LNX2: variants seen among roughly 807,000 people sequenced by gnomAD.
LNX2 encodes ligand of numb-protein X 2.
LNX2 carries 35 observed loss-of-function variants against 66.2 expected under a neutral mutation model. The observed-to-expected ratio is 0.53, with a 90% CI of 0.40 to 0.70. The LOEUF (loss-of-function observed/expected upper bound fraction) is 0.70, where lower values mean the gene tolerates loss of function less well. Among genes scored for constraint, LNX2 ranks in the 30% least tolerant of loss-of-function variants. The pLI is 0.00. For missense variants in LNX2, 791 were observed against 850.8 expected (o/e 0.93, Z 0.87); for synonymous variants, 337 against 315.6 (o/e 1.07, Z -0.72).
chr13:27,613,401 T>G (rs1460280551), intron 1 of LNX2, among the ~76,000 whole-genome samples: 1 of 152,108 alleles, frequency 6.6e-6, no homozygotes, highest in Non-Finnish European at 1.5e-5. Context: ...GAGGTCCAAC[T>G]ACAGGATATG....
chr13:27,600,030 C>G (rs777975966), intron 1 of LNX2, among the ~76,000 whole-genome samples: 1 of 152,158 alleles, frequency 6.6e-6, no homozygotes, highest in African/African-American at 2.4e-5. Context: ...CAGCATGGCA[C>G]ATAACTAACA....
In LNX2 at chr13:27,610,959, T is replaced by C. The variant is rs143773574; in HGVS notation, c.-101+9416A>G. 3.6e-3 allele frequency among the ~76,000 whole-genome samples: 546 copies of C among 151,846 alleles called. 5 individuals carry two copies. Among genetic ancestry groups the C allele is most frequent in the Non-Finnish European group, 5.9e-3 (399 of 67,990 alleles). ...CTATTAAAACAGAAAAGAACAAGTG[T>C]TGGTGAGAACATAGAGCATGTAGAG... is the stretch of plus-strand genomic sequence containing the variant. On this transcript the variant is annotated intron_variant, in intron 1 of 9. Coordinates refer to ENST00000316334, the MANE Select transcript of LNX2 (RefSeq NM_153371.4).
intron 1 of LNX2, among the ~76,000 whole-genome samples, chr13:27,587,417 T>C (rs1955499398): frequency 6.6e-6 from 1 of 152,160 alleles, no homozygotes; most frequent in Non-Finnish European, 1.5e-5. Context: ...TCTTTTGTAT[T>C]CCCACTTCTT....
At chr13:27,620,272 G>A (rs1338113220) in intron 1 of LNX2, 103 bp downstream of exon 1, 2 of 152,038 alleles carry the variant, frequency 1.3e-5, no homozygotes, top group Non-Finnish European at 2.9e-5. Context: ...CCGCCTCCCG[G>A]GGCGCGGCGC....
At chr13:27,560,585 AG>A (rs1955122955) in intron 5 of LNX2, among the ~76,000 whole-genome samples, 6 of 147,618 alleles carry the variant, frequency 4.1e-5, no homozygotes, top group African/African-American at 1.0e-4. Context: ...ATATATATAT[AG>A]CATACTTGTG....
At chr13:27,580,444 C>T (rs995381259) in intron 2 of LNX2, among the ~76,000 whole-genome samples, 2 of 152,100 alleles carry the variant, frequency 1.3e-5, no homozygotes, top group African/African-American at 4.8e-5. Flanking sequence ...GAGATTACTG[C>T]AGATTTATAC....
intron 1 of LNX2, among the ~76,000 whole-genome samples, chr13:27,612,238 T>C (rs1955781430): frequency 6.6e-6 from 1 of 152,162 alleles, no homozygotes; most frequent in Non-Finnish European, 1.5e-5. Context: ...AACAAAACCC[T>C]CATTGGGGCT....
chr13:27,551,387 C>T (rs73446812), intron 8 of LNX2, among the ~76,000 whole-genome samples: 5,561 of 151,606 alleles, frequency 0.037, 370 homozygotes, highest in African/African-American at 0.13. Context: ...CAGGATGTGT[C>T]CAGAGAGGGA....
rs563214362 is a variant in LNX2 at position 27,551,322 on chromosome 13, T to C, written c.1779-831A>G. Reference sequence around the variant, plus strand: ...ACACATCTATACACACACATGCATATATAAATGTATCATAGACACTGAGAA... The same window carrying C: ...ACACATCTATACACACACATGCATACATAAATGTATCATAGACACTGAGAA... On this transcript the variant is annotated intron_variant, in intron 8 of 9. Transcript: ENST00000316334. Among the ~76,000 whole-genome samples the C allele has an allele frequency of 3.9e-4, 59 of 151,936 alleles. 1 individual carries two copies. Among genetic ancestry groups the C allele is most frequent in the South Asian group, 2.1e-3 (10 of 4,806 alleles).
At chr13:27,587,655 T>C (rs1436066355) in intron 1 of LNX2, among the ~76,000 whole-genome samples, 8 of 152,218 alleles carry the variant, frequency 5.3e-5, no homozygotes, top group East Asian at 3.9e-4. Context: ...AAAGTTTCCT[T>C]ACTTGGTATC....
chr13:27,581,886 T>C, intron 1 of LNX2, 83 bp from the exon 2 acceptor site: 1 of 390,570 alleles, frequency 2.6e-6, no homozygotes, highest in Non-Finnish European at 4.4e-6. Flanking sequence ...ATATTACTGG[T>C]TAGCTTTTTT....
chr13:27,563,780 G>T (rs4769560), intron 4 of LNX2, among the ~76,000 whole-genome samples: 86,366 of 151,924 alleles, frequency 0.57, 25,019 homozygotes, highest in African/African-American at 0.67. Context: ...TCTTCCTATT[G>T]ACTTAGGATT....
At chr13:27,557,267 T>C (rs944625773) in intron 6 of LNX2, among the ~76,000 whole-genome samples, 7 of 152,124 alleles carry the variant, frequency 4.6e-5, no homozygotes, top group Non-Finnish European at 7.4e-5. Context: ...TATATTATTA[T>C]TGACCCCATT....
chr13:27,554,168 C>G (rs1227388706), intron 7 of LNX2, among the ~76,000 whole-genome samples: 1 of 152,178 alleles, frequency 6.6e-6, no homozygotes, highest in Non-Finnish European at 1.5e-5. Flanking sequence ...AAATCATTCT[C>G]ATTGTAGAAA....
intron 1 of LNX2, among the ~76,000 whole-genome samples, chr13:27,599,919 G>C (rs1566130851): frequency 6.6e-6 from 1 of 152,142 alleles, no homozygotes; most frequent in Non-Finnish European, 1.5e-5. Context: ...AAATCTTTTG[G>C]TTGCTGTTTC....
chr13:27,584,746 T>A (rs1955463661), intron 1 of LNX2, among the ~76,000 whole-genome samples: 1 of 152,102 alleles, frequency 6.6e-6, no homozygotes, highest in South Asian at 2.1e-4. Flanking sequence ...ACAACTGTCA[T>A]AAATTAGGAG....
At chr13:27,560,086 C>A (rs1438206799) in intron 5 of LNX2, 101 bp from the exon 6 acceptor site, 1 of 1,071,320 alleles carries the variant, frequency 9.3e-7, no homozygotes, top group Non-Finnish European at 1.3e-6. Context: ...AATCACTGTA[C>A]CAGGGCGTCA....
intron 1 of LNX2, among the ~76,000 whole-genome samples, chr13:27,597,140 T>G (rs150197982): frequency 2.0e-5 from 3 of 152,328 alleles, no homozygotes; most frequent in Non-Finnish European, 4.4e-5. Flanking sequence ...GAGATCAATC[T>G]GTCCTTTTGT....
intron 1 of LNX2, among the ~76,000 whole-genome samples, chr13:27,584,735 A>C (rs925632941): frequency 1.3e-5 from 2 of 152,204 alleles, no homozygotes; most frequent in African/African-American, 4.8e-5. Flanking sequence ...TAACAGATTT[A>C]ACAACTGTCA....
Sources: allele counts gnomAD v4.1 joint callset (sites outside exome capture counted in the v4.1 genomes callset), GRCh38; gene constraint gnomAD v4.1.1; transcripts MANE v1.5; gene names NCBI Gene and HGNC (gene_info 2026-07-23, HGNC 2026-07-21).